Variants in PPP1R9A observed in about 807,000 individuals in gnomAD.
PPP1R9A encodes protein phosphatase 1 regulatory subunit 9A.
PPP1R9A carries 59 observed loss-of-function variants against 141.9 expected under a neutral mutation model. The observed-to-expected ratio is 0.42, with a 90% CI of 0.34 to 0.52. PPP1R9A has a LOEUF of 0.52. Ranked by LOEUF, PPP1R9A falls within the 20% of genes least tolerant of loss-of-function variation. PPP1R9A has a pLI of 0.10. For synonymous variants in PPP1R9A, 500 were observed against 569.7 expected, an observed-to-expected ratio of 0.88 and a Z score of 1.74; for missense variants, 1,444 against 1,611.9, an observed-to-expected ratio of 0.90 and a Z score of 1.78.
intron 2 of PPP1R9A, among the ~76,000 whole-genome samples, chr7:94,944,706 T>G (rs1483104358): frequency 6.6e-6 from 1 of 152,096 alleles, no homozygotes; most frequent in African/African-American, 2.4e-5. Context: ...GTTTGTTGGA[T>G]TCTCAGAATC....
chr7:94,930,360 T>TG (rs987416632), intron 2 of PPP1R9A, among the ~76,000 whole-genome samples: 4 of 152,168 alleles, frequency 2.6e-5, no homozygotes, highest in African/African-American at 9.7e-5. Context: ...TTTTTTGAGA[T>TG]GGAGTCTCAC....
At chr7:95,219,940 A>C (rs958235295) in intron 7 of PPP1R9A, among the ~76,000 whole-genome samples, 1 of 152,120 alleles carries the variant, frequency 6.6e-6, no homozygotes, top group African/African-American at 2.4e-5. Flanking sequence ...GGGATGGTGA[A>C]AACAATCATA....
chr7:94,997,019 G>A (rs955521920), intron 2 of PPP1R9A, among the ~76,000 whole-genome samples: 2 of 151,922 alleles, frequency 1.3e-5, no homozygotes, highest in African/African-American at 2.4e-5. Context: ...GGTCAGGCTG[G>A]TCTCAAACTC....
intron 2 of PPP1R9A, among the ~76,000 whole-genome samples, chr7:95,048,631 C>T (rs953120812): frequency 1.3e-5 from 2 of 152,010 alleles, no homozygotes; most frequent in African/African-American, 4.8e-5. Context: ...CAGCCTTCGC[C>T]TCCTGGGTTC....
chr7:95,275,687 A>C (rs949006413), intron 16 of PPP1R9A, among the ~76,000 whole-genome samples: 3 of 152,176 alleles, frequency 2.0e-5, no homozygotes, highest in Non-Finnish European at 2.9e-5. Context: ...ATACTATAAA[A>C]TCATGCAAGG....
At chr7:95,035,862 T>A (rs1466192254) in intron 2 of PPP1R9A, 1 of 152,230 alleles carries the variant, frequency 6.6e-6, no homozygotes, top group Non-Finnish European at 1.5e-5. Context: ...TCTCCATTTT[T>A]GCTTATTTGT....
At chr7:95,178,271 C>A (rs769885156) in intron 5 of PPP1R9A, among the ~76,000 whole-genome samples, 1 of 152,082 alleles carries the variant, frequency 6.6e-6, no homozygotes, top group Non-Finnish European at 1.5e-5. Context: ...AAATAACCTG[C>A]TCCTGAATGA....
At chr7:94,988,590 A>G (rs1801128306) in intron 2 of PPP1R9A, among the ~76,000 whole-genome samples, 1 of 152,086 alleles carries the variant, frequency 6.6e-6, no homozygotes, top group Admixed American at 6.6e-5. Context: ...TGAATTATGT[A>G]GGTATTTACT....
At chr7:95,136,980 T>G (rs1435454234) in intron 4 of PPP1R9A, among the ~76,000 whole-genome samples, 1 of 152,154 alleles carries the variant, frequency 6.6e-6, no homozygotes, top group African/African-American at 2.4e-5. Context: ...GGCAGGTGAC[T>G]TCAAAGAGAA....
At chr7:95,206,411 T>C (rs1221639071) in intron 7 of PPP1R9A, among the ~76,000 whole-genome samples, 2 of 152,196 alleles carry the variant, frequency 1.3e-5, no homozygotes, top group Non-Finnish European at 2.9e-5. Context: ...CTTAAAGATA[T>C]AATTTTATAT....
At chr7:95,111,652 C>T (rs916363964) in intron 3 of PPP1R9A, among the ~76,000 whole-genome samples, 5 of 152,188 alleles carry the variant, frequency 3.3e-5, no homozygotes, top group African/African-American at 1.2e-4. Context: ...AGGCCTAATG[C>T]TTTGTTGGTA....
intron 2 of PPP1R9A, among the ~76,000 whole-genome samples, chr7:95,100,446 T>G (rs1458845479): frequency 6.6e-6 from 1 of 152,178 alleles, no homozygotes; most frequent in African/African-American, 2.4e-5. Context: ...TATGGAGATA[T>G]GAATTGAGAG....
intron 2 of PPP1R9A, among the ~76,000 whole-genome samples, chr7:95,087,228 C>A (rs999441714): frequency 1.4e-4 from 21 of 151,930 alleles, no homozygotes; most frequent in African/African-American, 4.1e-4. Flanking sequence ...CAGAAATAAA[C>A]ATAATTTAGA....
intron 2 of PPP1R9A, among the ~76,000 whole-genome samples, chr7:95,075,972 T>G (rs998736706): frequency 2.6e-5 from 4 of 152,206 alleles, no homozygotes; most frequent in Non-Finnish European, 5.9e-5. Flanking sequence ...AGATTTGTTT[T>G]GCAGATTAGG....
intron 5 of PPP1R9A, among the ~76,000 whole-genome samples, chr7:95,172,746 A>C (rs1416750423): frequency 4.0e-5 from 6 of 151,778 alleles, no homozygotes; most frequent in Admixed American, 1.3e-4. Context: ...CCTAGTAAAA[A>C]TTTTAGAAGA....
chr7:95,017,386 A>G (rs1805248911), intron 2 of PPP1R9A, among the ~76,000 whole-genome samples: 1 of 152,184 alleles, frequency 6.6e-6, no homozygotes, highest in East Asian at 1.9e-4. Flanking sequence ...TAGTAAGTGA[A>G]TCTTCATAAT....
chr7:95,150,926 G>A (rs1309454628), intron 4 of PPP1R9A, among the ~76,000 whole-genome samples: 1 of 152,206 alleles, frequency 6.6e-6, no homozygotes, highest in Non-Finnish European at 1.5e-5. Flanking sequence ...TTAATATCAT[G>A]TTATGAGAGA....
chr7:95,168,892 T>C (rs1392227985), intron 5 of PPP1R9A, among the ~76,000 whole-genome samples: 1 of 152,096 alleles, frequency 6.6e-6, no homozygotes, highest in Admixed American at 6.6e-5. Context: ...TAACAGACGC[T>C]GACAAGGATG....
chr7:95,101,599 T>C (rs1386044256), intron 2 of PPP1R9A, among the ~76,000 whole-genome samples: 5 of 152,140 alleles, frequency 3.3e-5, no homozygotes, highest in African/African-American at 1.2e-4. Flanking sequence ...GCGAGAATTA[T>C]TTACATAGCC....
Sources: allele counts gnomAD v4.1 joint callset (sites outside exome capture counted in the v4.1 genomes callset), GRCh38; gene constraint gnomAD v4.1.1; transcripts MANE v1.5; gene names NCBI Gene and HGNC (gene_info 2026-07-23, HGNC 2026-07-21).